PROS1: variants seen among roughly 807,000 people sequenced by gnomAD.
The protein encoded by PROS1 is vitamin K-dependent protein S.
In PROS1, 29 loss-of-function variants were observed where a neutral mutation model predicts 75.9. The ratio of observed to expected loss-of-function variants is 0.38; its 90% confidence interval spans 0.28 to 0.52. The LOEUF is 0.52. PROS1 is among the 20% of genes least tolerant of loss of function. The pLI is 0.83. For synonymous variants in PROS1, 245 were observed against 280.6 expected, an observed-to-expected ratio of 0.87 and a Z score of 1.27; for missense variants, 680 against 810.3, an observed-to-expected ratio of 0.84 and a Z score of 1.95.
At chr3:93,957,378 C>T (rs1053665039) in intron 1 of PROS1, among the ~76,000 whole-genome samples, 2 of 152,082 alleles carry the variant, frequency 1.3e-5, no homozygotes, top group African/African-American at 4.8e-5. Context: ...TATTGCATAT[C>T]TGTATTTTCA....
At chr3:93,926,321 C>G (rs1709015947) in intron 2 of PROS1, among the ~76,000 whole-genome samples, 1 of 152,108 alleles carries the variant, frequency 6.6e-6, no homozygotes, top group Non-Finnish European at 1.5e-5. Flanking sequence ...ACAATTGTGA[C>G]TTAAAATCTT....
intron 6 of PROS1, among the ~76,000 whole-genome samples, chr3:93,903,537 G>A (rs1160286196): frequency 6.6e-6 from 1 of 152,002 alleles, no homozygotes; most frequent in Non-Finnish European, 1.5e-5. Context: ...AGGCATGGTG[G>A]TGCACACCTG....
intron 4 of PROS1, among the ~76,000 whole-genome samples, chr3:93,906,744 C>T (rs1225581570): frequency 1.3e-5 from 2 of 152,216 alleles, no homozygotes; most frequent in African/African-American, 2.4e-5. Context: ...GCCCATTCTG[C>T]CCACCACAGG....
chr3:93,970,872 T>C (rs894984674), intron 1 of PROS1, among the ~76,000 whole-genome samples: 17 of 152,166 alleles, frequency 1.1e-4, no homozygotes, highest in African/African-American at 4.1e-4. Flanking sequence ...TGGTGGTGCA[T>C]ACCTACAGTC....
intron 12 of PROS1, among the ~76,000 whole-genome samples, chr3:93,883,934 AG>A (rs1254451102): frequency 1.3e-5 from 2 of 152,186 alleles, no homozygotes; most frequent in African/African-American, 4.8e-5. Context: ...TGGGTGACAA[AG>A]TGAGACTCCA....
At chr3:93,943,727 C>T (rs1709331838) in intron 1 of PROS1, among the ~76,000 whole-genome samples, 1 of 152,182 alleles carries the variant, frequency 6.6e-6, no homozygotes, top group African/African-American at 2.4e-5. Flanking sequence ...TCCCCTGTGA[C>T]CTGCACATAT....
At chr3:93,939,755 C>T (rs1477403444) in intron 1 of PROS1, among the ~76,000 whole-genome samples, 2 of 151,908 alleles carry the variant, frequency 1.3e-5, no homozygotes, top group Non-Finnish European at 2.9e-5. Context: ...GACCCTTTAC[C>T]ACCCTAGACC....
chr3:93,946,598 C>T (rs1039747027), intron 1 of PROS1, among the ~76,000 whole-genome samples: 5 of 152,000 alleles, frequency 3.3e-5, no homozygotes, highest in Admixed American at 6.6e-5. Flanking sequence ...AAACTGGCTA[C>T]TCATATGTAG....
intron 1 of PROS1, chr3:93,928,576 T>G: frequency 3.8e-6 from 1 of 262,790 alleles, no homozygotes; most frequent in Non-Finnish European, 7.4e-6. Context: ...AAAGCAAGAG[T>G]AATAAACTTT....
At chr3:93,954,520 C>T (rs1709565696) in intron 1 of PROS1, among the ~76,000 whole-genome samples, 1 of 152,130 alleles carries the variant, frequency 6.6e-6, no homozygotes, top group Admixed American at 6.6e-5. Context: ...GCTGGCTAGC[C>T]ATATGTAGAA....
intron 1 of PROS1, among the ~76,000 whole-genome samples, chr3:93,954,126 A>T (rs935447427): frequency 6.6e-6 from 1 of 152,214 alleles, no homozygotes; most frequent in Non-Finnish European, 1.5e-5. Flanking sequence ...GGAAGAATCA[A>T]TATCACGAAA....
chr3:93,892,941 A>G lies in PROS1; in HGVS notation c.1147T>C (p.Trp383Arg), dbSNP rs1708453757. Reference sequence around the variant, plus strand: ...GAAATCTGCAAACGTACCATATTCCATAGACCATTATTAATAACATCACCT... The same window carrying G: ...GAAATCTGCAAACGTACCATATTCCGTAGACCATTATTAATAACATCACCT... ...TGGDVINNGL[W>R]NMVSVEELEH... The change falls in exon 10 of 15, where the codon TGG becomes CGG. Residue 383 changes from tryptophan to arginine, a missense_variant. Trp to Arg is a moderately radical substitution (Grantham distance 101, BLOSUM62 -3). Transcript: ENST00000394236. 6.2e-7 allele frequency: 1 copy of G among 1,611,060 alleles called. No homozygotes were observed. The highest frequency in any genetic ancestry group is 8.5e-7 in the Non-Finnish European group (1 of 1,178,830).
At chr3:93,892,854 G>T (rs1336901163) in intron 10 of PROS1, 79 bp downstream of exon 10, 3 of 1,445,712 alleles carry the variant, frequency 2.1e-6, no homozygotes, top group African/African-American at 2.8e-5. Context: ...TTTTGGTTTG[G>T]TATCACTATA....
intron 1 of PROS1, among the ~76,000 whole-genome samples, chr3:93,942,088 C>T (rs1709297232): frequency 6.6e-6 from 1 of 152,128 alleles, no homozygotes; most frequent in South Asian, 2.1e-4. Flanking sequence ...CTGTTCCTCA[C>T]CCTGATCACA....
At chr3:93,881,197 C>T (rs1250762116) in intron 12 of PROS1, among the ~76,000 whole-genome samples, 2 of 152,010 alleles carry the variant, frequency 1.3e-5, no homozygotes, top group Non-Finnish European at 2.9e-5. Flanking sequence ...TGGCATGTGG[C>T]TGTAGTCCTA....
At position 93,876,838 on chromosome 3, in the gene PROS1, G is replaced by GA. The variant is rs540199388; in HGVS notation, c.1870+127dup. 15 of 664,722 alleles carry GA rather than the reference G, an allele frequency of 2.3e-5. No homozygotes were observed. In the South Asian group the frequency reaches 3.8e-4, roughly 17 times the overall value. 41.2% of individuals were successfully genotyped at this position (664,722 alleles called of 1,614,324 possible). On this transcript the variant is annotated intron_variant, in intron 14 of 14. Transcript: ENST00000394236. ...AATAAAATGTCGGTACTAGCCCCTA[G>GA]AAAAAGAATAATGAATACTGGATTT... is the stretch of plus-strand genomic sequence containing the variant.
intron 3 of PROS1, among the ~76,000 whole-genome samples, chr3:93,917,385 C>A (rs572954525): frequency 3.9e-5 from 6 of 152,332 alleles, no homozygotes; most frequent in Admixed American, 2.6e-4. Context: ...CCGCAACCTC[C>A]ACCTCCTGGG....
intron 11 of PROS1, 127 bp downstream of exon 11, chr3:93,886,209 T>C: frequency 1.3e-6 from 1 of 771,838 alleles, no homozygotes; most frequent in South Asian, 1.6e-5. Flanking sequence ...CCATGATCAT[T>C]TCAAGTTGTC....
intron 1 of PROS1, among the ~76,000 whole-genome samples, chr3:93,956,513 T>A: frequency 7.5e-6 from 1 of 133,846 alleles, no homozygotes; most frequent in East Asian, 2.2e-4. Flanking sequence ...TCTCTCTCTG[T>A]CTCTCTCTCT....
Sources: allele counts gnomAD v4.1 joint callset (sites outside exome capture counted in the v4.1 genomes callset), GRCh38; gene constraint gnomAD v4.1.1; transcripts MANE v1.5; gene names NCBI Gene and HGNC (gene_info 2026-07-23, HGNC 2026-07-21).